Variants in TMPRSS15 observed in about 807,000 individuals in gnomAD.
TMPRSS15 encodes transmembrane serine protease 15.
In TMPRSS15, 128 loss-of-function variants were observed where a neutral mutation model predicts 125.3. That is an observed-to-expected ratio of 1.02 (90% CI 0.89 to 1.18). TMPRSS15 has a LOEUF of 1.18. Ranked by LOEUF, TMPRSS15 falls within the 50% of genes most tolerant of loss-of-function variation. The pLI is 0.00. For missense variants in TMPRSS15, 1,283 were observed against 1,212.7 expected (o/e 1.06, Z -0.86); for synonymous variants, 446 against 423.2 (o/e 1.05, Z -0.66).
At chr21:18,423,409 CT>C (rs5842689) in intron 1 of TMPRSS15, among the ~76,000 whole-genome samples, 34,849 of 128,382 alleles carry the variant, frequency 0.27, 4,012 homozygotes, top group Middle Eastern at 0.39. Flanking sequence ...AAAATAAATT[CT>C]TTTTTTTTTT....
intron 1 of TMPRSS15, among the ~76,000 whole-genome samples, chr21:18,436,008 T>G (rs1186637759): frequency 1.3e-5 from 2 of 149,742 alleles, no homozygotes; most frequent in Non-Finnish European, 3.0e-5. Context: ...TGCATCTATT[T>G]GATTCTTCTC....
At chr21:18,405,675 G>A (rs542245646), upstream of TMPRSS15, among the ~76,000 whole-genome samples, 1 of 152,018 alleles carries the variant, frequency 6.6e-6, no homozygotes, top group Non-Finnish European at 1.5e-5. Context: ...ACATAGCGCC[G>A]CATTGATTTG....
At chr21:18,323,898 T>C (rs2075264858) in intron 16 of TMPRSS15, among the ~76,000 whole-genome samples, 1 of 152,196 alleles carries the variant, frequency 6.6e-6, no homozygotes, top group Non-Finnish European at 1.5e-5. Context: ...TGTGGGATTT[T>C]CTCCTTAAAA....
At chr21:18,381,008 G>T (rs1431372435) in intron 4 of TMPRSS15, among the ~76,000 whole-genome samples, 2 of 152,082 alleles carry the variant, frequency 1.3e-5, no homozygotes, top group Non-Finnish European at 2.9e-5. Context: ...TTGGAACTAA[G>T]TGGTATATAA....
intron 8 of TMPRSS15, among the ~76,000 whole-genome samples, chr21:18,356,710 G>T (rs942281685): frequency 1.3e-5 from 2 of 151,824 alleles, no homozygotes; most frequent in Non-Finnish European, 2.9e-5. Flanking sequence ...ATACATAAAA[G>T]TGTCCTAATA....
At chr21:18,271,184 ACTGTGATTT>A (rs1186780543) in intron 24 of TMPRSS15, among the ~76,000 whole-genome samples, 1 of 152,178 alleles carries the variant, frequency 6.6e-6, no homozygotes, top group African/African-American at 2.4e-5. Flanking sequence ...GAAAGCAGGG[ACTGTGATTT>A]CTATTTCTGC....
chr21:18,400,269 G>A (rs901134439), intron 1 of TMPRSS15, among the ~76,000 whole-genome samples: 8 of 152,000 alleles, frequency 5.3e-5, no homozygotes, highest in Admixed American at 5.2e-4. Flanking sequence ...AATAGTCAAA[G>A]CAATCCTAAG....
intron 1 of TMPRSS15, among the ~76,000 whole-genome samples, chr21:18,428,325 AT>A (rs2076208257): frequency 6.6e-6 from 1 of 152,174 alleles, no homozygotes; most frequent in Non-Finnish European, 1.5e-5. Flanking sequence ...CAGGCTGACA[AT>A]TTGATAGAAA....
intron 1 of TMPRSS15, among the ~76,000 whole-genome samples, chr21:18,452,245 G>C (rs1978351293): frequency 6.6e-6 from 1 of 152,082 alleles, no homozygotes; most frequent in Non-Finnish European, 1.5e-5. Context: ...AATTTCATAA[G>C]CATGGTTTGT....
At chr21:18,272,172 A>G (rs1467252526) in intron 24 of TMPRSS15, among the ~76,000 whole-genome samples, 4 of 152,192 alleles carry the variant, frequency 2.6e-5, no homozygotes, top group Non-Finnish European at 5.9e-5. Context: ...ACTAATTTAC[A>G]TTCCCACCAA....
chr21:18,326,597 T>C, intron 15 of TMPRSS15, 25 bp from the exon 16 acceptor site: 4 of 1,613,850 alleles, frequency 2.5e-6, no homozygotes, highest in Non-Finnish European at 3.4e-6. Flanking sequence ...AACGAGATAA[T>C]CAGTGAGATG....
intron 18 of TMPRSS15, among the ~76,000 whole-genome samples, chr21:18,298,814 A>G (rs1343687431): frequency 6.6e-6 from 1 of 152,172 alleles, no homozygotes. Context: ...TGTCTTCCCC[A>G]GGCTATTGCC....
chr21:18,474,985 G>T (rs1479287775), intron 1 of TMPRSS15, among the ~76,000 whole-genome samples: 1 of 152,118 alleles, frequency 6.6e-6, no homozygotes, highest in East Asian at 1.9e-4. Context: ...CAGCTACGTG[G>T]TCTAGGAAGA....
chr21:18,345,740 C>CAAAAAAA (rs1235619873), intron 10 of TMPRSS15, among the ~76,000 whole-genome samples: 3,395 of 15,502 alleles, frequency 0.22, 1,227 homozygotes, highest in East Asian at 0.49. Flanking sequence ...GACTCCGTCT[C>CAAAAAAA]AAAAAAAAAA....
intron 10 of TMPRSS15, among the ~76,000 whole-genome samples, chr21:18,351,485 A>G (rs2075568116): frequency 6.6e-6 from 1 of 152,086 alleles, no homozygotes; most frequent in Non-Finnish European, 1.5e-5. Context: ...AATTTTTTCA[A>G]TGCCGTTCTC....
intron 3 of TMPRSS15, among the ~76,000 whole-genome samples, chr21:18,383,982 A>G (rs2075918955): frequency 6.6e-6 from 1 of 152,164 alleles, no homozygotes; most frequent in South Asian, 2.1e-4. Context: ...TGCTTTTTTG[A>G]GAAGAGAAAC....
intron 1 of TMPRSS15, among the ~76,000 whole-genome samples, chr21:18,419,608 C>T (rs1226957100): frequency 6.6e-6 from 1 of 152,136 alleles, no homozygotes; most frequent in African/African-American, 2.4e-5. Context: ...GTGTATGTCC[C>T]AAATTGCAAT....
intron 24 of TMPRSS15, 80 bp from the exon 25 acceptor site, chr21:18,270,204 A>G (rs1372844618): frequency 1.6e-6 from 2 of 1,218,964 alleles, no homozygotes; most frequent in Non-Finnish European, 2.3e-6. Flanking sequence ...TATCAAATAA[A>G]TTAAAAAATA....
chr21:18,305,844 C>T (rs913163357), intron 18 of TMPRSS15, among the ~76,000 whole-genome samples: 1 of 152,114 alleles, frequency 6.6e-6, no homozygotes, highest in East Asian at 1.9e-4. Flanking sequence ...TTAATTAATG[C>T]ATTTCTAATT....
Sources: gnomAD v4.1 joint callset for allele counts (sites outside exome capture counted in the v4.1 genomes callset) on GRCh38, gnomAD v4.1.1 for gene constraint, MANE v1.5 for transcripts, NCBI Gene and HGNC (gene_info 2026-07-23, HGNC 2026-07-21) for gene names.